Variants in XKR9 observed in about 807,000 individuals in gnomAD.
XKR9 encodes the protein XK related 9.
In XKR9, 32 loss-of-function variants were observed where a neutral mutation model predicts 32.0. The ratio of observed to expected loss-of-function variants is 1.00; its 90% CI spans 0.76 to 1.34. The LOEUF (loss-of-function observed/expected upper bound fraction) is 1.34. Ranked by LOEUF, XKR9 falls within the 40% of genes most tolerant of loss-of-function variation. The pLI is 0.00. For missense variants in XKR9, 546 were observed against 429.7 expected (o/e 1.27, Z -2.39); for synonymous variants, 168 against 143.4 (o/e 1.17, Z -1.22).
intron 3 of XKR9, among the ~76,000 whole-genome samples, chr8:70,686,530 G>A (rs1301462430): frequency 2.6e-5 from 4 of 151,806 alleles, no homozygotes; most frequent in Non-Finnish European, 5.9e-5. Context: ...TGCAACCTCC[G>A]CCTCCCAGGT....
chr8:70,749,760 C>A (rs1222579935), intron 2 of XKR9, among the ~76,000 whole-genome samples: 1 of 152,216 alleles, frequency 6.6e-6, no homozygotes, highest in African/African-American at 2.4e-5. Context: ...AGAGGCATGG[C>A]TGGCCACAGA....
At chr8:70,719,652 A>G (rs1694770149) in intron 4 of XKR9, among the ~76,000 whole-genome samples, 1 of 152,070 alleles carries the variant, frequency 6.6e-6, no homozygotes, top group South Asian at 2.1e-4. Context: ...CCATTGTTCT[A>G]TATATCTGTT....
At chr8:71,043,608 G>C in the XKR9 span, among the ~76,000 whole-genome samples, 1 of 152,156 alleles carries the variant, frequency 6.6e-6, no homozygotes, top group African/African-American at 2.4e-5. Flanking sequence ...TCATATTTGA[G>C]TCATGAATAC....
the XKR9 span, among the ~76,000 whole-genome samples, chr8:70,864,550 A>G: frequency 6.6e-6 from 1 of 152,190 alleles, no homozygotes; most frequent in Non-Finnish European, 1.5e-5. Context: ...GAAAGAGGTG[A>G]AAATTGACCT....
At chr8:70,759,278 G>A (rs1807273131) in intron 2 of XKR9, among the ~76,000 whole-genome samples, 1 of 152,150 alleles carries the variant, frequency 6.6e-6, no homozygotes, top group Admixed American at 6.6e-5. Context: ...AACTGGATGT[G>A]CATTGGGCCA....
chr8:71,056,803 T>C, the XKR9 span, among the ~76,000 whole-genome samples: 1 of 152,306 alleles, frequency 6.6e-6, no homozygotes, highest in African/African-American at 2.4e-5. Flanking sequence ...AAATAATTTA[T>C]TGTTATTATT....
chr8:71,020,207 A>G, the XKR9 span, among the ~76,000 whole-genome samples: 1 of 152,228 alleles, frequency 6.6e-6, no homozygotes, highest in Non-Finnish European at 1.5e-5. Context: ...TTCAAAATCT[A>G]CGAGGTGCTG....
chr8:70,782,708 G>T (rs1807633201), intron 2 of XKR9, among the ~76,000 whole-genome samples: 1 of 151,966 alleles, frequency 6.6e-6, no homozygotes, highest in South Asian at 2.1e-4. Context: ...TTTCACTTAG[G>T]ATAATGTTCT....
chr8:71,036,445 G>C, the XKR9 span, among the ~76,000 whole-genome samples: 2 of 152,052 alleles, frequency 1.3e-5, no homozygotes, highest in African/African-American at 2.4e-5. Flanking sequence ...CAAGTCTAGA[G>C]TGTTAGAAAA....
chr8:70,861,205 A>C, the XKR9 span, among the ~76,000 whole-genome samples: 1 of 152,106 alleles, frequency 6.6e-6, no homozygotes, highest in East Asian at 1.9e-4. Flanking sequence ...AGAGTTTTTT[A>C]AGAACATGGA....
chr8:70,964,503 A>G, the XKR9 span, among the ~76,000 whole-genome samples: 65 of 152,336 alleles, frequency 4.3e-4, no homozygotes, highest in African/African-American at 1.5e-3. Context: ...TTCTGTGAAG[A>G]ATATCAATGG....
intron 3 of XKR9, among the ~76,000 whole-genome samples, chr8:70,698,434 C>T (rs1023812494): frequency 6.6e-5 from 10 of 152,142 alleles, no homozygotes; most frequent in Non-Finnish European, 1.3e-4. Flanking sequence ...GCCTTCATTT[C>T]ATTATGTACC....
intron 2 of XKR9, among the ~76,000 whole-genome samples, chr8:70,784,718 C>A (rs1394081919): frequency 6.6e-6 from 1 of 151,980 alleles, no homozygotes; most frequent in African/African-American, 2.4e-5. Context: ...TCCCTGGCAA[C>A]CACTTGCAAT....
chr8:70,817,049 T>C, the XKR9 span, among the ~76,000 whole-genome samples: 1 of 152,010 alleles, frequency 6.6e-6, no homozygotes. Flanking sequence ...TGATTTTATA[T>C]CTAGAAAACC....
At chr8:70,737,018 G>T (rs1310750434), downstream of XKR9, among the ~76,000 whole-genome samples, 16 of 152,296 alleles carry the variant, frequency 1.1e-4, no homozygotes, top group African/African-American at 3.9e-4. Flanking sequence ...GTCATTGGTA[G>T]CTTTATGGGG....
chr8:70,776,405 C>T (rs1807520924), intron 2 of XKR9, among the ~76,000 whole-genome samples: 1 of 151,950 alleles, frequency 6.6e-6, no homozygotes, highest in Admixed American at 6.6e-5. Context: ...AGTGATATTT[C>T]TTCTGTTTTT....
chr8:70,737,336 C>G (rs13264031), downstream of XKR9, among the ~76,000 whole-genome samples: 26,667 of 123,394 alleles, frequency 0.22, 480 homozygotes, highest in Non-Finnish European at 0.29. Context: ...GAGACTTTGC[C>G]GAAGTTGCTT....
At chr8:70,870,749 A>T in the XKR9 span, among the ~76,000 whole-genome samples, 1 of 152,236 alleles carries the variant, frequency 6.6e-6, no homozygotes, top group Non-Finnish European at 1.5e-5. Context: ...AATGATATGC[A>T]TATTGCAAAA....
At chr8:70,779,375 G>A (rs13281739) in intron 2 of XKR9, among the ~76,000 whole-genome samples, 23 of 151,902 alleles carry the variant, frequency 1.5e-4, no homozygotes, top group Non-Finnish European at 2.9e-4. Context: ...GAAGATTTTC[G>A]CATCAATGTT....
Sources: allele counts gnomAD v4.1 joint callset (sites outside exome capture counted in the v4.1 genomes callset), GRCh38; gene constraint gnomAD v4.1.1; transcripts MANE v1.5; gene names NCBI Gene and HGNC (gene_info 2026-07-23, HGNC 2026-07-21).